The following MDGA2 variants were observed in gnomAD, a reference collection of about 807,000 sequenced individuals.
The protein encoded by MDGA2 is MAM domain-containing glycosylphosphatidylinositol anchor protein 2.
A neutral mutation model predicts 117.8 loss-of-function variants in MDGA2; 40 were observed. The ratio of observed to expected loss-of-function variants is 0.34; its 90% CI spans 0.26 to 0.44. The LOEUF is 0.44. Among genes scored for constraint, MDGA2 ranks in the 20% least tolerant of loss-of-function variants. The pLI is 1.00. For synonymous variants in MDGA2, 452 were observed against 439.0 expected (o/e 1.03, Z -0.37); for missense variants, 1,123 against 1,250.6 (o/e 0.90, Z 1.54).
intron 3 of MDGA2, among the ~76,000 whole-genome samples, chr14:47,173,228 G>T (rs1884251027): frequency 6.6e-6 from 1 of 152,158 alleles, no homozygotes; most frequent in Non-Finnish European, 1.5e-5. Context: ...ACACTCTGCA[G>T]GATATTATCC....
chr14:46,975,175 C>CT (rs997556806), intron 8 of MDGA2, among the ~76,000 whole-genome samples: 1 of 151,902 alleles, frequency 6.6e-6, no homozygotes, highest in Non-Finnish European at 1.5e-5. Flanking sequence ...AGAGCTACTA[C>CT]TTTTTAAAAA....
chr14:46,862,627 C>T (rs1271701038), intron 14 of MDGA2, among the ~76,000 whole-genome samples: 1 of 151,722 alleles, frequency 6.6e-6, no homozygotes, highest in Non-Finnish European at 1.5e-5. Context: ...AATTAATTTG[C>T]AATTTGGTAT....
At chr14:47,008,186 T>C (rs1349958880) in intron 8 of MDGA2, among the ~76,000 whole-genome samples, 2 of 151,872 alleles carry the variant, frequency 1.3e-5, no homozygotes, top group African/African-American at 2.4e-5. Flanking sequence ...GAAATGTGTA[T>C]GTTAGAGAAA....
intron 2 of MDGA2, among the ~76,000 whole-genome samples, chr14:47,233,856 T>C (rs1290328724): frequency 6.7e-6 from 1 of 149,272 alleles, no homozygotes; most frequent in East Asian, 1.9e-4. Context: ...AACTCAAACC[T>C]TTAAAAGTTA....
chr14:46,976,789 A>T (rs899992386), intron 8 of MDGA2, among the ~76,000 whole-genome samples: 1 of 151,842 alleles, frequency 6.6e-6, no homozygotes, highest in African/African-American at 2.4e-5. Context: ...ATTCTTCTAG[A>T]ATTGAGTCTT....
intron 1 of MDGA2, among the ~76,000 whole-genome samples, chr14:47,634,619 A>AT (rs559912315): frequency 2.0e-5 from 3 of 152,186 alleles, no homozygotes; most frequent in South Asian, 4.1e-4. Context: ...TTTGTGCTAC[A>AT]TTTTTTTAAA....
chr14:47,283,434 TTGTG>T (rs967742033), intron 2 of MDGA2, among the ~76,000 whole-genome samples: 1 of 152,208 alleles, frequency 6.6e-6, no homozygotes, highest in Non-Finnish European at 1.5e-5. Context: ...ACGGTACACT[TTGTG>T]TGTGTTTTGC....
chr14:47,243,343 T>C lies in MDGA2; in HGVS notation c.421-25148A>G, dbSNP rs563690661. Among the ~76,000 whole-genome samples, 10 of 151,800 alleles carry C rather than the reference T, an allele frequency of 6.6e-5. No individual in the cohort carries two copies. The South Asian group carries it at 8.4e-4, about 13-fold the overall frequency. On this transcript the variant is annotated intron_variant, in intron 2 of 16. Coordinates refer to ENST00000399232, the MANE Select transcript of MDGA2 (RefSeq NM_001113498.3). The stretch of plus-strand genomic sequence containing the variant: ...CTTGGCTCTACCAATCAGCAGGATG[T>C]GGGTGGGGCCAGATAAGAGAATAAA...
intron 1 of MDGA2, among the ~76,000 whole-genome samples, chr14:47,486,152 G>A (rs904033631): frequency 3.9e-5 from 6 of 152,196 alleles, no homozygotes. Flanking sequence ...GCTATACCCT[G>A]CAAAGCCACA....
intron 3 of MDGA2, among the ~76,000 whole-genome samples, chr14:47,191,506 T>C (rs1885112964): frequency 1.3e-5 from 2 of 151,402 alleles, no homozygotes; most frequent in African/African-American, 2.4e-5. Context: ...CTTACGGTTA[T>C]CTTTATATTC....
At chr14:47,364,662 C>T (rs1460106880) in intron 1 of MDGA2, among the ~76,000 whole-genome samples, 1 of 152,224 alleles carries the variant, frequency 6.6e-6, no homozygotes. Context: ...CAGATATACT[C>T]ACTTTGTTTT....
chr14:47,338,855 T>C (rs1341880751), intron 1 of MDGA2, among the ~76,000 whole-genome samples: 3 of 152,150 alleles, frequency 2.0e-5, no homozygotes, highest in Admixed American at 1.3e-4. Flanking sequence ...TTTTCACTCC[T>C]GAAACTTGAT....
intron 2 of MDGA2, among the ~76,000 whole-genome samples, chr14:47,255,226 G>A (rs1255242779): frequency 2.0e-5 from 3 of 152,176 alleles, no homozygotes; most frequent in Non-Finnish European, 4.4e-5. Flanking sequence ...AAGGGAAAAA[G>A]GATATACCAA....
intron 1 of MDGA2, among the ~76,000 whole-genome samples, chr14:47,595,142 T>C (rs1896512050): frequency 1.3e-5 from 2 of 152,116 alleles, no homozygotes; most frequent in South Asian, 2.1e-4. Flanking sequence ...GTTTGCATAC[T>C]ATAAAGGCCT....
At chr14:47,092,435 G>C (rs527659500) in intron 6 of MDGA2, among the ~76,000 whole-genome samples, 1 of 152,082 alleles carries the variant, frequency 6.6e-6, no homozygotes, top group Non-Finnish European at 1.5e-5. Flanking sequence ...GAAATCTCAA[G>C]CCATGATTCT....
At chr14:47,406,251 C>G (rs1308620413) in intron 1 of MDGA2, among the ~76,000 whole-genome samples, 1 of 151,888 alleles carries the variant, frequency 6.6e-6, no homozygotes, top group African/African-American at 2.4e-5. Context: ...AAATCTATCC[C>G]AGAGAGATAA....
At chr14:47,581,918 A>T (rs562862664) in intron 1 of MDGA2, among the ~76,000 whole-genome samples, 1 of 152,034 alleles carries the variant, frequency 6.6e-6, no homozygotes, top group East Asian at 1.9e-4. Context: ...TGCTGCATTC[A>T]TTATTGTAGG....
At chr14:47,107,579 A>G (rs183258619) in intron 5 of MDGA2, among the ~76,000 whole-genome samples, 3 of 151,678 alleles carry the variant, frequency 2.0e-5, no homozygotes, top group Admixed American at 6.6e-5. Context: ...CATTACTTCA[A>G]TCAAGCCCAA....
At chr14:47,062,378 C>T (rs1889917312) in intron 6 of MDGA2, among the ~76,000 whole-genome samples, 1 of 152,000 alleles carries the variant, frequency 6.6e-6, no homozygotes, top group Non-Finnish European at 1.5e-5. Context: ...TACCAAAAGG[C>T]TGCCAAGGGA....
Sources: allele counts gnomAD v4.1 joint callset (sites outside exome capture counted in the v4.1 genomes callset), GRCh38; gene constraint gnomAD v4.1.1; transcripts MANE v1.5; gene names NCBI Gene and HGNC (gene_info 2026-07-23, HGNC 2026-07-21).